EHBP1: variants seen among roughly 807,000 people sequenced by gnomAD.
EHBP1 encodes the protein EH domain binding protein 1, also known as EH domain-binding protein 1.
In EHBP1, 55 loss-of-function variants were observed where a neutral mutation model predicts 144.0. The observed-to-expected ratio is 0.38, with a 90% CI of 0.31 to 0.48. The LOEUF (loss-of-function observed/expected upper bound fraction) is 0.48. Among genes scored for constraint, EHBP1 ranks in the 20% least tolerant of loss-of-function variants. The probability of loss-of-function intolerance (pLI) is 0.98; values close to 1 mark genes in which losing one functional copy is unlikely to be tolerated. For missense variants in EHBP1, 1,200 were observed against 1,364.2 expected (o/e 0.88, Z 1.90); for synonymous variants, 469 against 472.7 (o/e 0.99, Z 0.10).
intron 19 of EHBP1, among the ~76,000 whole-genome samples, chr2:63,034,359 G>A (rs1490505728): frequency 6.6e-6 from 1 of 151,390 alleles, no homozygotes; most frequent in East Asian, 1.9e-4. Flanking sequence ...TTTAAATGGT[G>A]AAACTGAAAA....
chr2:62,716,698 G>A (rs1284530743), intron 2 of EHBP1, among the ~76,000 whole-genome samples: 1 of 152,164 alleles, frequency 6.6e-6, no homozygotes, highest in East Asian at 1.9e-4. Context: ...CATTGGTTCA[G>A]CAGCCATCTT....
At chr2:63,030,654 AT>A (rs55837821) in intron 19 of EHBP1, among the ~76,000 whole-genome samples, 5 of 146,278 alleles carry the variant, frequency 3.4e-5, no homozygotes, top group Admixed American at 6.8e-5. Flanking sequence ...CACCCAGCTA[AT>A]TTTTTTTTTG....
chr2:62,960,460 C>A (rs2057945450), intron 14 of EHBP1, among the ~76,000 whole-genome samples: 1 of 152,162 alleles, frequency 6.6e-6, no homozygotes, highest in South Asian at 2.1e-4. Flanking sequence ...GAAGTTAATT[C>A]TCTTTCCTAT....
intron 19 of EHBP1, among the ~76,000 whole-genome samples, chr2:63,006,854 A>G (rs1266195646): frequency 1.3e-5 from 2 of 151,766 alleles, no homozygotes; most frequent in African/African-American, 4.8e-5. Context: ...GATCTCCTGC[A>G]TACTTAATTT....
intron 1 of EHBP1, among the ~76,000 whole-genome samples, chr2:62,694,126 T>C (rs1232556006): frequency 2.0e-5 from 3 of 152,234 alleles, no homozygotes; most frequent in Non-Finnish European, 4.4e-5. Flanking sequence ...CTGTTAATTT[T>C]CAAAGAACAT....
At chr2:62,991,822 T>G (rs867070890) in intron 16 of EHBP1, among the ~76,000 whole-genome samples, 1 of 152,180 alleles carries the variant, frequency 6.6e-6, no homozygotes, top group Admixed American at 6.6e-5. Flanking sequence ...GACACAGAGA[T>G]GCTTTGAAGT....
At chr2:62,924,362 A>G (rs2055329655) in intron 10 of EHBP1, among the ~76,000 whole-genome samples, 1 of 152,246 alleles carries the variant, frequency 6.6e-6, no homozygotes, top group South Asian at 2.1e-4. Flanking sequence ...AAGAAATAAT[A>G]AAGATCAGAG....
chr2:62,811,860 A>T (rs2045037826), intron 5 of EHBP1, among the ~76,000 whole-genome samples: 1 of 152,300 alleles, frequency 6.6e-6, no homozygotes, highest in South Asian at 2.1e-4. Flanking sequence ...AGAGGACAAG[A>T]TCTGATCCAC....
chr2:62,767,448 G>A (rs560201480), intron 4 of EHBP1, among the ~76,000 whole-genome samples: 11 of 151,964 alleles, frequency 7.2e-5, no homozygotes, highest in African/African-American at 2.4e-4. Context: ...CTGTAATCCC[G>A]ACACTTTGGG....
intron 7 of EHBP1, among the ~76,000 whole-genome samples, chr2:62,852,691 T>C (rs1477681748): frequency 6.6e-6 from 1 of 151,932 alleles, no homozygotes; most frequent in East Asian, 1.9e-4. Context: ...GCCCAACTAG[T>C]AAAGAATGAA....
At chr2:62,837,449 A>G (rs2047371273) in intron 7 of EHBP1, among the ~76,000 whole-genome samples, 1 of 151,914 alleles carries the variant, frequency 6.6e-6, no homozygotes, top group African/African-American at 2.4e-5. Flanking sequence ...CAAAATCACC[A>G]GCTAACATCA....
chr2:62,819,953 A>G (rs1433040636), intron 5 of EHBP1, among the ~76,000 whole-genome samples: 2 of 151,866 alleles, frequency 1.3e-5, no homozygotes, highest in East Asian at 1.9e-4. Context: ...GCTCATGCCT[A>G]TAATCCCAGC....
intron 10 of EHBP1, among the ~76,000 whole-genome samples, chr2:62,893,325 G>A (rs1036278173): frequency 1.3e-5 from 2 of 151,988 alleles, no homozygotes; most frequent in Non-Finnish European, 2.9e-5. Flanking sequence ...ATGCGCGATC[G>A]TTCTCATAAC....
intron 2 of EHBP1, among the ~76,000 whole-genome samples, chr2:62,727,508 C>A (rs530468724): frequency 6.6e-6 from 1 of 152,244 alleles, no homozygotes; most frequent in South Asian, 2.1e-4. Flanking sequence ...CCCCAGGTAA[C>A]CACTAATCTA....
At chr2:62,949,910 A>C (rs2057288730) in intron 13 of EHBP1, among the ~76,000 whole-genome samples, 1 of 152,210 alleles carries the variant, frequency 6.6e-6, no homozygotes, top group Non-Finnish European at 1.5e-5. Flanking sequence ...ATTGTCAATA[A>C]AGTTATGATA....
chr2:62,901,632 T>C (rs1401490317), intron 10 of EHBP1, among the ~76,000 whole-genome samples: 1 of 151,850 alleles, frequency 6.6e-6, no homozygotes, highest in Non-Finnish European at 1.5e-5. Flanking sequence ...TAATTCTCGC[T>C]TGTGAATATG....
chr2:62,969,751 A>G (rs1429387477), intron 14 of EHBP1, among the ~76,000 whole-genome samples: 1 of 152,196 alleles, frequency 6.6e-6, no homozygotes, highest in Non-Finnish European at 1.5e-5. Flanking sequence ...TGCAACAAGA[A>G]AGGCTGATTT....
chr2:62,718,205 T>C (rs2035872647), intron 2 of EHBP1, among the ~76,000 whole-genome samples: 1 of 152,218 alleles, frequency 6.6e-6, no homozygotes, highest in African/African-American at 2.4e-5. Flanking sequence ...AGTTTTCTGA[T>C]CATGTAATTT....
At chr2:62,769,452 G>T (rs1047811463) in intron 4 of EHBP1, among the ~76,000 whole-genome samples, 1 of 152,016 alleles carries the variant, frequency 6.6e-6, no homozygotes, top group Non-Finnish European at 1.5e-5. Context: ...AGCTAACCAG[G>T]GAGGTGAAAG....
Sources: gnomAD v4.1 joint callset for allele counts (sites outside exome capture counted in the v4.1 genomes callset) on GRCh38, gnomAD v4.1.1 for gene constraint, MANE v1.5 for transcripts, NCBI Gene and HGNC (gene_info 2026-07-23, HGNC 2026-07-21) for gene names.